The following PCDHGB3 variants were observed in gnomAD, a reference collection of about 807,000 sequenced individuals.
PCDHGB3 encodes protocadherin gamma-B3.
In PCDHGB3, 40 loss-of-function variants were observed where a neutral mutation model predicts 59.2. The observed-to-expected ratio is 0.68, with a 90% CI of 0.52 to 0.88. The LOEUF is 0.88. PCDHGB3 is among the 40% of genes least tolerant of loss of function. PCDHGB3 has a pLI of 0.00. For missense variants in PCDHGB3, 1,309 were observed against 1,187.9 expected (o/e 1.10, Z -1.50); for synonymous variants, 581 against 503.6 (o/e 1.15, Z -2.06).
intron 1 of PCDHGB3, chr5:141,419,727 C>G (rs1344063538): frequency 6.2e-7 from 1 of 1,613,582 alleles, no homozygotes; most frequent in Admixed American, 1.7e-5. Flanking sequence ...GGGCTGCGAA[C>G]AGGCGAGGTG....
Position 141,491,652 on chromosome 5 carries a change from G to T in PCDHGB3, c.2416-3155G>T. ...AGCAGCCCACAGCTCTGGCGCTGGA[G>T]CCTGACGCCATCCGGTCCCGCTCTA... On this transcript the variant is annotated intron_variant, in intron 1 of 3. Transcript: ENST00000576222. The surrounding 1 kb of genome is among the most constrained non-coding windows in gnomAD (Gnocchi z 6.9). The T allele has an allele frequency of 6.2e-7, 1 of 1,613,844 alleles. No homozygotes were observed.
In PCDHGB3 at chr5:141,371,718, A is replaced by C; in HGVS notation, c.1324A>C (p.Ile442Leu). 1 of 1,614,064 alleles carries C rather than the reference A, an allele frequency of 6.2e-7. No homozygotes were observed. The highest frequency in any genetic ancestry group is 8.5e-7 in the Non-Finnish European group (1 of 1,179,910). ...CTCCAGCAAGACCATCACTCTGCAC[A>C]TCCTTGATGTCAACGACAACGTTCC... ...LSSSKTITLH[I>L]LDVNDNVPVF... The change falls in exon 1 of 4, where the codon ATC (isoleucine) becomes CTC (leucine). Residue 442 changes from isoleucine to leucine, a missense_variant. Physicochemically the swap from Ile to Leu is conservative, Grantham distance 5. Transcript: ENST00000576222.
Position 141,483,506 on chromosome 5 carries a change from T to A in PCDHGB3, c.2416-11301T>A, listed in dbSNP as rs964063329. ...AGGGACAGGGATGAGTCAAGGCTGA[T>A]CCCCCTAGATCCTGACTAAGGAAGC... On this transcript the variant is annotated intron_variant, in intron 1 of 3. Coordinates refer to ENST00000576222, the MANE Select transcript of PCDHGB3 (RefSeq NM_018924.5). Among the ~76,000 whole-genome samples the A allele has an allele frequency of 2.7e-5, 4 of 148,396 alleles. No individual in the cohort carries two copies. In the South Asian group the frequency reaches 8.5e-4, roughly 32 times the overall value.
Position 141,431,199 on chromosome 5 carries a change from C to T in PCDHGB3, c.2415+58390C>T. 1 of 1,614,194 alleles carries T rather than the reference C, an allele frequency of 6.2e-7. No homozygotes were observed. Among genetic ancestry groups the T allele is most frequent in the East Asian group, 2.2e-5 (1 of 44,890 alleles). ...GAAATAAAAATTAGTGAAAATGCAG[C>T]CACTGAGATGCGGTTCCCTCTACCC... On this transcript the variant is annotated intron_variant, in intron 1 of 3. Transcript: ENST00000576222. This position sits in a 1 kb window ranked among gnomAD's most constrained non-coding sequence, Gnocchi z 4.8.
chr5:141,464,048 T>C (rs377735829), intron 1 of PCDHGB3, among the ~76,000 whole-genome samples: 1 of 152,260 alleles, frequency 6.6e-6, no homozygotes, highest in South Asian at 2.1e-4. Context: ...GTGGATCACC[T>C]GAGGTCAGGA....
chr5:141,403,051 C>G (rs1273209859), intron 1 of PCDHGB3: 1 of 1,614,086 alleles, frequency 6.2e-7, no homozygotes, highest in African/African-American at 1.3e-5. Flanking sequence ...AGATTCGCTA[C>G]TCAGTGCCTG....
intron 1 of PCDHGB3, among the ~76,000 whole-genome samples, chr5:141,467,039 A>G (rs1467529268): frequency 2.6e-5 from 4 of 150,960 alleles, no homozygotes; most frequent in Non-Finnish European, 5.9e-5. Context: ...TTTTTTGTGT[A>G]ATGAATCAAT....
At chr5:141,407,881 C>T in intron 1 of PCDHGB3, 2 of 375,244 alleles carry the variant, frequency 5.3e-6, no homozygotes, top group Non-Finnish European at 9.5e-6. Context: ...ATATACATTT[C>T]GGAGACCGAA....
chr5:141,467,775 C>T (rs1464827506), intron 1 of PCDHGB3, among the ~76,000 whole-genome samples: 1 of 151,960 alleles, frequency 6.6e-6, no homozygotes, highest in Non-Finnish European at 1.5e-5. Context: ...GCCCGCACCT[C>T]AGCCTCTCAA....
rs936419038 is a variant in PCDHGB3 at position 141,493,313 on chromosome 5, G to T, written c.2416-1494G>T. On this transcript the variant is annotated intron_variant, in intron 1 of 3. Transcript: ENST00000576222. This position sits in a 1 kb window ranked among gnomAD's most constrained non-coding sequence, Gnocchi z 4.3. ...TCAAGTTCACAGAGCAAGTAAGAGA[G>T]ATTCTAACCCCTGTCTAACTCCAGA... Among the ~76,000 whole-genome samples, 4 of 152,214 alleles carry T rather than the reference G, an allele frequency of 2.6e-5. No individual in the cohort carries two copies. Among genetic ancestry groups the T allele is most frequent in the Non-Finnish European group, 4.4e-5 (3 of 68,040 alleles).
chr5:141,477,854 C>T lies in PCDHGB3; in HGVS notation c.2416-16953C>T. Reference sequence around the variant, plus strand: ...GCCAGGTGGGAGCTCGGTGGAGATGCTGCCTCGAGGTACCTCAGCTGGCCA... The same window carrying T: ...GCCAGGTGGGAGCTCGGTGGAGATGTTGCCTCGAGGTACCTCAGCTGGCCA... On this transcript the variant is annotated intron_variant, in intron 1 of 3. Transcript: ENST00000576222. This position sits in a 1 kb window ranked among gnomAD's most constrained non-coding sequence, Gnocchi z 4.9. 1.9e-6 allele frequency: 3 copies of T among 1,614,098 alleles called. No individual in the cohort carries two copies. The South Asian group carries it at 3.3e-5, about 18-fold the overall frequency.
At chr5:141,441,932 C>A in intron 1 of PCDHGB3, 1 of 347,904 alleles carries the variant, frequency 2.9e-6, no homozygotes. Flanking sequence ...GCGTGGCTGT[C>A]CTACCACGTG....
chr5:141,464,913 A>AT (rs1366203949), intron 1 of PCDHGB3, among the ~76,000 whole-genome samples: 2 of 151,546 alleles, frequency 1.3e-5, no homozygotes, highest in South Asian at 4.2e-4. Flanking sequence ...TAATTTTTTT[A>AT]TTTTTTTGTA....
Position 141,371,397 on chromosome 5 carries a change from A to G in PCDHGB3, c.1003A>G (p.Ile335Val). The change falls in exon 1 of 4, where the codon ATA becomes GTA. Residue 335 changes from isoleucine to valine, a missense_variant. Transcript: ENST00000576222. ...GHHTAYCKVQ[I>V]DISDENDNAP... ...TCACACTGCATATTGTAAAGTACAG[A>G]TAGATATTTCAGATGAAAATGACAA... 6.2e-7 allele frequency: 1 copy of G among 1,614,004 alleles called. No individual in the cohort carries two copies. Among genetic ancestry groups the G allele is most frequent in the Non-Finnish European group, 8.5e-7 (1 of 1,179,884 alleles).
chr5:141,419,248 AAAC>A (rs1229992972), intron 1 of PCDHGB3: 1 of 1,613,980 alleles, frequency 6.2e-7, no homozygotes, highest in Admixed American at 1.7e-5. Context: ...ACGTGCCAGA[AAAC>A]AACCAGCCGG....
At chr5:141,420,001 C>T in intron 1 of PCDHGB3, 1 of 1,614,084 alleles carries the variant, frequency 6.2e-7, no homozygotes, top group Non-Finnish European at 8.5e-7. Flanking sequence ...TTGCTCTACG[C>T]CTGCGACAGT....
At position 141,372,823 on chromosome 5, in the gene PCDHGB3, A is replaced by G. The variant is rs1561557860; in HGVS notation, c.2415+14A>G. ...AATTTGCAAAAGGTGAGTTTCTTCA[A>G]ACCTTTCCTTCCATAAATATAATTG... On this transcript the variant is annotated intron_variant, in intron 1 of 3. Transcript: ENST00000576222. 1 of 1,564,608 alleles carries G rather than the reference A, an allele frequency of 6.4e-7. No individual in the cohort carries two copies. The highest frequency in any genetic ancestry group is 1.2e-5 in the South Asian group (1 of 84,712).
chr5:141,470,860 T>G (rs2099242265), intron 1 of PCDHGB3, among the ~76,000 whole-genome samples: 1 of 151,788 alleles, frequency 6.6e-6, no homozygotes, highest in South Asian at 2.1e-4. Context: ...GATAAGTTTT[T>G]TGTTTGTTTG....
chr5:141,395,115 C>T (rs1380601635), intron 1 of PCDHGB3: 1 of 1,614,192 alleles, frequency 6.2e-7, no homozygotes. Context: ...GAAGAGTCAC[C>T]TGATCTTTCC....
Sources: gnomAD v4.1 joint callset for allele counts (sites outside exome capture counted in the v4.1 genomes callset) on GRCh38, gnomAD v4.1.1 for gene constraint, Gnocchi (gnomAD v3.1) non-coding constraint, MANE v1.5 for transcripts, NCBI Gene and HGNC (gene_info 2026-07-23, HGNC 2026-07-21) for gene names.